Variants in TAAR5 observed in about 807,000 individuals in gnomAD.
TAAR5 encodes trace amine associated receptor 5.
In TAAR5, 27 loss-of-function variants were observed where a neutral mutation model predicts 21.1. The ratio of observed to expected loss-of-function variants is 1.28; its 90% confidence interval spans 0.94 to 1.76. The LOEUF (loss-of-function observed/expected upper bound fraction) is 1.76, where lower values mean the gene tolerates loss of function less well. TAAR5 is among the 40% of genes most tolerant of loss of function. The pLI, the probability that TAAR5 is intolerant of heterozygous loss-of-function variation, is 0.00. For synonymous variants in TAAR5, 203 were observed against 167.5 expected, an observed-to-expected ratio of 1.21 and a Z score of -1.64; for missense variants, 495 against 405.6, an observed-to-expected ratio of 1.22 and a Z score of -1.89.
rs12192557 is a variant in TAAR5, at chr6:132,589,663, A to C, written c.24T>G (p.Gly8=). MRAVFIQ[G]AEEHPAAFCY... ...AGAATGCCGCAGGGTGCTCTTCAGC[A>C]CCTTGGATGAAGACAGCTCTCATTT... Residue 8 remains glycine (G), a synonymous_variant, in exon 1 of 1, where the codon GGT becomes GGG. Coordinates refer to ENST00000258034, the MANE Select transcript of TAAR5 (RefSeq NM_003967.3). The C allele has an allele frequency of 6.4e-7, 1 of 1,568,874 alleles. No homozygotes were observed.
the TAAR5 span, among the ~76,000 whole-genome samples, chr6:132,601,019 GGGAAGGAGGGAAGGAGGGAAAGAA>G: frequency 1.5e-4 from 3 of 19,622 alleles, no homozygotes; most frequent in East Asian, 2.2e-3. Context: ...GAAGGAAGGG[GGGAAGGAGGGAAGGAGGGAAAGAA>G]GGAAGGAGGG....
At chr6:132,593,103 C>T (rs760856618), upstream of TAAR5, among the ~76,000 whole-genome samples, 15 of 152,202 alleles carry the variant, frequency 9.9e-5, no homozygotes, top group Non-Finnish European at 1.3e-4. Flanking sequence ...TCTAACTCCA[C>T]TTCCCCAGCT....
At chr6:132,590,897 C>T (rs1490440493), upstream of TAAR5, among the ~76,000 whole-genome samples, 1 of 151,978 alleles carries the variant, frequency 6.6e-6, no homozygotes, top group African/African-American at 2.4e-5. Context: ...TCTTATTTTT[C>T]TTCTGCTTTA....
At chr6:132,609,144 T>G in the TAAR5 span, 12 of 397,374 alleles carry the variant, frequency 3.0e-5, no homozygotes, top group East Asian at 5.0e-4. Flanking sequence ...TTCCGAATAG[T>G]GATAATCATG....
chr6:132,611,960 C>T, the TAAR5 span, among the ~76,000 whole-genome samples: 3 of 152,248 alleles, frequency 2.0e-5, no homozygotes, highest in South Asian at 6.2e-4. Context: ...TCTCCTGTGT[C>T]ATGTAAAATT....
the TAAR5 span, among the ~76,000 whole-genome samples, chr6:132,599,520 G>T: frequency 6.6e-6 from 1 of 151,366 alleles, no homozygotes; most frequent in East Asian, 1.9e-4. Context: ...GTAGAGATGG[G>T]GTGTCACCAT....
the TAAR5 span, among the ~76,000 whole-genome samples, chr6:132,615,480 G>GA: frequency 6.6e-6 from 1 of 151,314 alleles, no homozygotes; most frequent in Non-Finnish European, 1.5e-5. Flanking sequence ...TCACAAATAT[G>GA]AAAAAAATTA....
At chr6:132,608,798 G>C in the TAAR5 span, 25 of 455,852 alleles carry the variant, frequency 5.5e-5, no homozygotes, top group South Asian at 3.6e-4. Context: ...AAAGAAAAAA[G>C]AGCAGGAACT....
At chr6:132,607,476 G>A in the TAAR5 span, among the ~76,000 whole-genome samples, 1 of 152,006 alleles carries the variant, frequency 6.6e-6, no homozygotes. Flanking sequence ...TTTGTTTGGG[G>A]GGTACCCTAA....
upstream of TAAR5, among the ~76,000 whole-genome samples, chr6:132,591,082 C>G (rs2114577181): frequency 6.6e-6 from 1 of 152,240 alleles, no homozygotes; most frequent in Non-Finnish European, 1.5e-5. Flanking sequence ...AAGCAGTTCA[C>G]CTGGAGGAAG....
At chr6:132,616,319 A>T in the TAAR5 span, among the ~76,000 whole-genome samples, 1 of 152,348 alleles carries the variant, frequency 6.6e-6, no homozygotes, top group African/African-American at 2.4e-5. Flanking sequence ...TTATTAAAAA[A>T]TACATGTATA....
the TAAR5 span, among the ~76,000 whole-genome samples, chr6:132,611,750 GTCATAAGAC>G: frequency 6.6e-6 from 1 of 152,094 alleles, no homozygotes; most frequent in Non-Finnish European, 1.5e-5. Flanking sequence ...CCTAAAATAG[GTCATAAGAC>G]TCTCTTGTGT....
upstream of TAAR5, among the ~76,000 whole-genome samples, chr6:132,591,192 G>A (rs1776901011): frequency 6.6e-6 from 1 of 152,132 alleles, no homozygotes; most frequent in Non-Finnish European, 1.5e-5. Flanking sequence ...TGTGTAACTT[G>A]ATTTCACAGG....
At chr6:132,590,804 AT>A (rs1352863966), upstream of TAAR5, among the ~76,000 whole-genome samples, 2 of 151,966 alleles carry the variant, frequency 1.3e-5, no homozygotes, top group African/African-American at 4.8e-5. Flanking sequence ...TTCTTTTTTA[AT>A]TTTTCAGTTC....
At chr6:132,615,583 C>A in the TAAR5 span, among the ~76,000 whole-genome samples, 1 of 151,690 alleles carries the variant, frequency 6.6e-6, no homozygotes, top group Non-Finnish European at 1.5e-5. Flanking sequence ...ACAAAATTCT[C>A]GGTGTTGAGG....
chr6:132,601,815 TAA>T, the TAAR5 span, among the ~76,000 whole-genome samples: 1 of 152,178 alleles, frequency 6.6e-6, no homozygotes, highest in African/African-American at 2.4e-5. Flanking sequence ...TGCCATTTTT[TAA>T]AAGTGTGTGG....
At chr6:132,601,960 G>A in the TAAR5 span, among the ~76,000 whole-genome samples, 1 of 152,154 alleles carries the variant, frequency 6.6e-6, no homozygotes, top group Non-Finnish European at 1.5e-5. Flanking sequence ...ATTTTTTAGT[G>A]TGTAGACTTT....
the TAAR5 span, among the ~76,000 whole-genome samples, chr6:132,607,837 C>T: frequency 3.3e-5 from 5 of 152,172 alleles, no homozygotes; most frequent in Non-Finnish European, 5.9e-5. Flanking sequence ...CATGGACCCA[C>T]AGGTCGCATG....
chr6:132,591,991 T>C (rs1776913741), upstream of TAAR5, among the ~76,000 whole-genome samples: 1 of 152,184 alleles, frequency 6.6e-6, no homozygotes, highest in South Asian at 2.1e-4. Context: ...AGTGGATATC[T>C]AGTGCAGATA....
Sources: allele counts gnomAD v4.1 joint callset (sites outside exome capture counted in the v4.1 genomes callset), GRCh38; gene constraint gnomAD v4.1.1; transcripts MANE v1.5; gene names NCBI Gene and HGNC (gene_info 2026-07-23, HGNC 2026-07-21).